NAALADL2: variants seen among roughly 807,000 people sequenced by gnomAD.
NAALADL2 encodes N-acetylated alpha-linked acidic dipeptidase like 2.
NAALADL2 carries 76 observed loss-of-function variants against 87.2 expected under a neutral mutation model. The observed-to-expected ratio is 0.87, with a 90% CI of 0.72 to 1.05. The LOEUF (loss-of-function observed/expected upper bound fraction) is 1.05. NAALADL2 is among the 50% of genes least tolerant of loss of function. NAALADL2 has a pLI of 0.00. For synonymous variants in NAALADL2, 354 were observed against 331.0 expected (o/e 1.07, Z -0.75); for missense variants, 1,089 against 945.8 (o/e 1.15, Z -1.99).
intron 5 of NAALADL2, among the ~76,000 whole-genome samples, chr3:175,360,884 T>C (rs1764921747): frequency 6.6e-6 from 1 of 151,568 alleles, no homozygotes. Context: ...TTTTTTTTAT[T>C]ATCCTTTAAG....
chr3:175,718,368 C>G, intron 11 of NAALADL2: 2 of 1,599,272 alleles, frequency 1.3e-6, no homozygotes, highest in African/African-American at 2.7e-5. Context: ...GCTCTTGGGT[C>G]CACCACTCCA....
intron 1 of NAALADL2, among the ~76,000 whole-genome samples, chr3:174,504,358 A>T (rs1038239795): frequency 1.3e-5 from 2 of 152,130 alleles, no homozygotes; most frequent in Non-Finnish European, 2.9e-5. Flanking sequence ...GGAGTGATAC[A>T]CTGGGGATAT....
intron 2 of NAALADL2, among the ~76,000 whole-genome samples, chr3:174,560,232 A>C (rs962173346): frequency 6.6e-6 from 1 of 152,206 alleles, no homozygotes; most frequent in African/African-American, 2.4e-5. Flanking sequence ...CAATGTTCAC[A>C]TCCAAATATA....
chr3:175,799,842 C>T (rs1187738979), intron 13 of NAALADL2, among the ~76,000 whole-genome samples: 1 of 152,064 alleles, frequency 6.6e-6, no homozygotes, highest in African/African-American at 2.4e-5. Context: ...TACTTGATTA[C>T]ATTCGCATGG....
intron 3 of NAALADL2, among the ~76,000 whole-genome samples, chr3:174,755,383 G>A (rs1711907221): frequency 2.0e-5 from 3 of 152,136 alleles, no homozygotes; most frequent in Admixed American, 2.0e-4. Context: ...ATTGAATTAA[G>A]ATTTTATAAG....
At chr3:174,999,606 A>G (rs1256259188) in intron 1 of NAALADL2, among the ~76,000 whole-genome samples, 3 of 152,174 alleles carry the variant, frequency 2.0e-5, no homozygotes, top group Non-Finnish European at 4.4e-5. Context: ...TCAAAATAGC[A>G]AAGAATTTAA....
intron 1 of NAALADL2, among the ~76,000 whole-genome samples, chr3:174,452,735 C>A (rs1374647615): frequency 6.6e-6 from 1 of 151,810 alleles, no homozygotes; most frequent in Non-Finnish European, 1.5e-5. Flanking sequence ...ACAGTCAAAT[C>A]CTCAAGGTCA....
chr3:174,936,414 G>T (rs115630616), intron 1 of NAALADL2, among the ~76,000 whole-genome samples: 1,677 of 152,058 alleles, frequency 0.011, 31 homozygotes, highest in African/African-American at 0.039. Flanking sequence ...GTTATAAAAT[G>T]TCCATGAATT....
chr3:175,468,631 A>G (rs1035758151), intron 8 of NAALADL2, among the ~76,000 whole-genome samples: 3 of 152,028 alleles, frequency 2.0e-5, no homozygotes, highest in African/African-American at 7.2e-5. Flanking sequence ...TCTTCTAGAT[A>G]CCTATCTAGT....
intron 5 of NAALADL2, among the ~76,000 whole-genome samples, chr3:175,417,105 A>G (rs902261059): frequency 7.9e-6 from 1 of 126,670 alleles, no homozygotes; most frequent in African/African-American, 2.8e-5. Flanking sequence ...CAAAATACAG[A>G]GGAAGAGAAA....
intron 2 of NAALADL2, among the ~76,000 whole-genome samples, chr3:174,650,615 G>A (rs1476063827): frequency 1.3e-5 from 2 of 152,088 alleles, no homozygotes; most frequent in East Asian, 3.8e-4. Context: ...CAGCAAATCA[G>A]TAGTTACGGT....
At chr3:175,021,957 G>A (rs2108866947) in intron 1 of NAALADL2, among the ~76,000 whole-genome samples, 1 of 152,100 alleles carries the variant, frequency 6.6e-6, no homozygotes, top group African/African-American at 2.4e-5. Context: ...ATGGGACTGG[G>A]AGTTACTCAT....
chr3:175,737,720 T>TG (rs1044499340), intron 12 of NAALADL2, among the ~76,000 whole-genome samples: 2 of 136,634 alleles, frequency 1.5e-5, no homozygotes, highest in Admixed American at 7.2e-5. Context: ...TCCAGTTTTT[T>TG]TTTTTTTTTT....
chr3:175,558,194 CAAAAAAAAAAAAAAAA>C (rs71164638), intron 9 of NAALADL2, among the ~76,000 whole-genome samples: 1 of 82,436 alleles, frequency 1.2e-5, no homozygotes, highest in African/African-American at 4.6e-5. Context: ...GACCCCGTCT[CAAAAAAAAAAAAAAAA>C]AAAAAAAGAA....
intron 4 of NAALADL2, among the ~76,000 whole-genome samples, chr3:175,263,596 T>A (rs1444830885): frequency 6.6e-6 from 1 of 151,906 alleles, no homozygotes; most frequent in East Asian, 1.9e-4. Context: ...TTTCTTATTG[T>A]AATATAGTTA....
chr3:175,472,187 G>T (rs990768196), intron 9 of NAALADL2, among the ~76,000 whole-genome samples: 2 of 151,380 alleles, frequency 1.3e-5, no homozygotes, highest in Non-Finnish European at 2.9e-5. Flanking sequence ...CCGAGAGCAA[G>T]AATATAGTGA....
intron 2 of NAALADL2, among the ~76,000 whole-genome samples, chr3:174,729,417 G>T (rs1732497059): frequency 6.6e-6 from 1 of 152,048 alleles, no homozygotes; most frequent in Non-Finnish European, 1.5e-5. Context: ...TTAGTAAGTA[G>T]CAAGGCCAGA....
Position 175,764,612 on chromosome 3 carries a change from AAC to A in NAALADL2, c.2189+9195_2189+9196del, listed in dbSNP as rs751862493. Among the ~76,000 whole-genome samples the A allele has an allele frequency of 1.9e-4, 26 of 136,818 alleles. 1 individual carries two copies. Among genetic ancestry groups the A allele is most frequent in the Admixed American group, 2.1e-4 (3 of 14,230 alleles). 89.8% of individuals were successfully genotyped at this position (136,818 alleles called of 152,430 possible). On this transcript the variant is annotated intron_variant, in intron 13 of 13. Transcript: ENST00000454872. Reference sequence around the variant, plus strand: ...TAAATGTCAAGATGCTTCTGCCTTTAACCAAGAATAAAGAAAGCAATCCACTA... The same window carrying A: ...TAAATGTCAAGATGCTTCTGCCTTTACAAGAATAAAGAAAGCAATCCACTA...
intron 9 of NAALADL2, among the ~76,000 whole-genome samples, chr3:175,567,513 T>C (rs1057141471): frequency 3.9e-5 from 6 of 152,210 alleles, no homozygotes; most frequent in Admixed American, 3.9e-4. Flanking sequence ...GTCGTATAAA[T>C]TAACAGAAGA....
Sources: gnomAD v4.1 joint callset for allele counts (sites outside exome capture counted in the v4.1 genomes callset) on GRCh38, gnomAD v4.1.1 for gene constraint, MANE v1.5 for transcripts, NCBI Gene and HGNC (gene_info 2026-07-23, HGNC 2026-07-21) for gene names.